The following MAP4 variants were observed in gnomAD, a reference collection of about 807,000 sequenced individuals.
MAP4 encodes the protein microtubule-associated protein 4.
A neutral mutation model predicts 170.2 loss-of-function variants in MAP4; 76 were observed. The observed-to-expected ratio is 0.45, with a 90% CI of 0.37 to 0.54. The LOEUF is 0.54. Ranked by LOEUF, MAP4 falls within the 20% of genes least tolerant of loss-of-function variation. MAP4 has a pLI of 0.00. For synonymous variants in MAP4, 909 were observed against 994.5 expected, an observed-to-expected ratio of 0.91 and a Z score of 1.62; for missense variants, 2,506 against 2,748.0, an observed-to-expected ratio of 0.91 and a Z score of 1.97.
chr3:47,976,896 C>T (rs1236843626), intron 3 of MAP4, among the ~76,000 whole-genome samples: 1 of 152,198 alleles, frequency 6.6e-6, no homozygotes. Flanking sequence ...CCTAGAATAG[C>T]TGCTATTGCT....
chr3:48,055,202 CTCCG>C (rs1559867268), intron 1 of MAP4, among the ~76,000 whole-genome samples: 63 of 111,722 alleles, frequency 5.6e-4, no homozygotes, highest in African/African-American at 1.3e-3. Flanking sequence ...CCCTCTCCGT[CTCCG>C]TCTCCGTCTC....
intron 1 of MAP4, among the ~76,000 whole-genome samples, chr3:48,053,632 T>A (rs2100129072): frequency 6.6e-6 from 1 of 152,194 alleles, no homozygotes; most frequent in African/African-American, 2.4e-5. Flanking sequence ...CTCTCTCTAG[T>A]ATATAAGTGA....
chr3:47,969,773 A>G (rs2100077437), intron 3 of MAP4, among the ~76,000 whole-genome samples: 1 of 151,280 alleles, frequency 6.6e-6, no homozygotes, highest in African/African-American at 2.4e-5. Context: ...GAAGTACAAG[A>G]GTGTTAGGCC....
intron 3 of MAP4, among the ~76,000 whole-genome samples, chr3:47,950,560 T>C (rs767398578): frequency 4.6e-5 from 7 of 152,092 alleles, no homozygotes; most frequent in Non-Finnish European, 1.0e-4. Flanking sequence ...ACTGAAATTT[T>C]AGACTCGAGT....
chr3:48,075,939 C>T (rs1307865040), intron 1 of MAP4, among the ~76,000 whole-genome samples: 2 of 138,948 alleles, frequency 1.4e-5, no homozygotes, highest in South Asian at 2.3e-4. Flanking sequence ...CACGTCATTG[C>T]ACTTCAGCCT....
In MAP4 at chr3:48,060,759, AAATAAT is replaced by A. The variant is rs985828148; in HGVS notation, c.-20+28008_-20+28013del. On this transcript the variant is annotated intron_variant, in intron 1 of 18. Transcript: ENST00000360240. Reference sequence around the variant, plus strand: ...CGAAACCCTGTCTCTACAAAAAAAAAAATAATAATAATACAAAAAAAATGTAGCCAG... The same window carrying A: ...CGAAACCCTGTCTCTACAAAAAAAAAAATAATACAAAAAAAATGTAGCCAG... Among the ~76,000 whole-genome samples, 3 of 152,078 alleles carry A rather than the reference AAATAAT, an allele frequency of 2.0e-5. No individual in the cohort carries two copies. In the South Asian group the frequency reaches 6.2e-4, roughly 31 times the overall value.
At chr3:47,874,404 G>C (rs903378910) in intron 12 of MAP4, among the ~76,000 whole-genome samples, 19 of 152,152 alleles carry the variant, frequency 1.2e-4, no homozygotes, top group Non-Finnish European at 2.6e-4. Flanking sequence ...GGGAGGTGGA[G>C]GTTGCAATGA....
upstream of MAP4, among the ~76,000 whole-genome samples, chr3:48,018,664 G>T (rs1036234532): frequency 2.6e-5 from 4 of 151,974 alleles, no homozygotes; most frequent in African/African-American, 9.7e-5. Flanking sequence ...TTAGCCGGGC[G>T]TGGTGGTGTG....
chr3:47,891,534 G>A, intron 10 of MAP4: 1 of 1,521,692 alleles, frequency 6.6e-7, no homozygotes, highest in African/African-American at 1.4e-5. Flanking sequence ...GGGAGTTCAG[G>A]GTACTTATCT....
intron 3 of MAP4, among the ~76,000 whole-genome samples, chr3:47,941,583 C>T (rs1339853773): frequency 1.3e-5 from 2 of 150,848 alleles, no homozygotes; most frequent in Non-Finnish European, 2.9e-5. Context: ...CGAGACCAGC[C>T]TGGCTAACAT....
At chr3:47,930,469 A>AAC (rs2100049031) in intron 3 of MAP4, among the ~76,000 whole-genome samples, 1 of 151,762 alleles carries the variant, frequency 6.6e-6, no homozygotes, top group African/African-American at 2.4e-5. Context: ...AAAACAAACA[A>AAC]ACAAACAAAA....
chr3:47,944,879 C>A (rs1286198777), intron 3 of MAP4, among the ~76,000 whole-genome samples: 2 of 148,868 alleles, frequency 1.3e-5, no homozygotes, highest in Non-Finnish European at 3.0e-5. Context: ...TGAATACTGA[C>A]TGGATATTTG....
intron 3 of MAP4, among the ~76,000 whole-genome samples, chr3:47,967,209 G>A (rs1270020324): frequency 6.6e-6 from 1 of 152,146 alleles, no homozygotes; most frequent in Non-Finnish European, 1.5e-5. Context: ...GGTGGCACAT[G>A]CCTGTAATCC....
At chr3:47,887,514 C>G (rs559330471) in intron 10 of MAP4, among the ~76,000 whole-genome samples, 7 of 152,344 alleles carry the variant, frequency 4.6e-5, no homozygotes, top group Non-Finnish European at 1.0e-4. Flanking sequence ...CTGTGCCGCC[C>G]GAGCCTCCCT....
chr3:47,974,306 T>G, intron 3 of MAP4: 2 of 329,954 alleles, frequency 6.1e-6, no homozygotes, highest in Non-Finnish European at 8.7e-6. Flanking sequence ...ACACCTATAA[T>G]CCCAGCTACT....
At chr3:48,075,353 C>T (rs1034070954) in intron 1 of MAP4, among the ~76,000 whole-genome samples, 1 of 151,770 alleles carries the variant, frequency 6.6e-6, no homozygotes, top group Non-Finnish European at 1.5e-5. Context: ...GGTGAAACCC[C>T]GTCTCTACCA....
chr3:48,012,553 C>CA (rs995362394), intron 1 of MAP4, among the ~76,000 whole-genome samples: 4 of 152,168 alleles, frequency 2.6e-5, no homozygotes, highest in Non-Finnish European at 4.4e-5. Context: ...AAAATACAGT[C>CA]AAAAACACCA....
rs769770343 is a variant in MAP4, at chr3:47,915,968, G to A, written c.1859C>T (p.Thr620Ile). Residue 620 changes from threonine to isoleucine, a missense_variant, in exon 7 of 21, where the codon ACT (threonine) becomes ATT (isoleucine). Transcript: ENST00000683076. ...LQDVGQSAAPTFMISPETVTG... is the reference protein window; with the variant it reads ...LQDVGQSAAPIFMISPETVTG... ...GCACGTACCTGGTGAAATCATGAAA[G>A]TAGGTGCAGCTGACTGCCCCACATC... 6.2e-7 allele frequency: 1 copy of A among 1,611,970 alleles called. No individual in the cohort carries two copies. The highest frequency in any genetic ancestry group is 8.5e-7 in the Non-Finnish European group (1 of 1,178,904).
intron 3 of MAP4, chr3:47,974,758 C>T (rs1184785040): frequency 1.9e-5 from 19 of 976,120 alleles, no homozygotes; most frequent in Admixed American, 1.2e-4. Flanking sequence ...GTTAAGAGTC[C>T]GTCTCCAAAA....
Sources: gnomAD v4.1 joint callset for allele counts (sites outside exome capture counted in the v4.1 genomes callset) on GRCh38, gnomAD v4.1.1 for gene constraint, MANE v1.5 for transcripts, NCBI Gene and HGNC (gene_info 2026-07-23, HGNC 2026-07-21) for gene names.